The following ADGRB1 variants were observed in gnomAD, a reference collection of about 807,000 sequenced individuals.
The protein encoded by ADGRB1 is brain-specific angiogenesis inhibitor 1.
Under a neutral mutation model 175.7 loss-of-function variants are expected in ADGRB1, and 36 were observed. The ratio of observed to expected loss-of-function variants is 0.20; its 90% CI spans 0.16 to 0.27. ADGRB1 has a LOEUF of 0.27. Among genes scored for constraint, ADGRB1 ranks in the 10% least tolerant of loss-of-function variants. The pLI is 1.00. For missense variants in ADGRB1, 1,731 were observed against 2,255.3 expected, an observed-to-expected ratio of 0.77 and a Z score of 4.71; for synonymous variants, 1,054 against 979.4, an observed-to-expected ratio of 1.08 and a Z score of -1.42.
intron 18 of ADGRB1, among the ~76,000 whole-genome samples, chr8:142,515,688 C>T (rs192015324): frequency 1.5e-4 from 22 of 151,370 alleles, no homozygotes; most frequent in Middle Eastern, 3.5e-3. Context: ...CTCAGCTCTG[C>T]GCTGGTAAAG....
chr8:142,459,031 A>AGCAATGGGG (rs917816071), intron 1 of ADGRB1, among the ~76,000 whole-genome samples: 3 of 152,174 alleles, frequency 2.0e-5, no homozygotes, highest in African/African-American at 4.8e-5. Context: ...CTGGTCCCCC[A>AGCAATGGGG]GCAATGGGGG....
At chr8:142,467,123 C>T (rs1484355319) in intron 2 of ADGRB1, among the ~76,000 whole-genome samples, 6 of 152,204 alleles carry the variant, frequency 3.9e-5, no homozygotes, top group East Asian at 1.9e-4. Flanking sequence ...TCGGAGGGAG[C>T]GCTGAGCTTC....
At chr8:142,451,597 C>G (rs1020319380) in intron 1 of ADGRB1, among the ~76,000 whole-genome samples, 1 of 152,136 alleles carries the variant, frequency 6.6e-6, no homozygotes, top group Non-Finnish European at 1.5e-5. Context: ...GCTGGGAGGT[C>G]TGCTCTCCCG....
intron 18 of ADGRB1, among the ~76,000 whole-genome samples, chr8:142,513,819 G>A (rs1022969148): frequency 3.3e-5 from 5 of 152,106 alleles, no homozygotes; most frequent in African/African-American, 9.7e-5. Context: ...ATGAAGCTGC[G>A]GGGAAGTGGG....
intron 1 of ADGRB1, among the ~76,000 whole-genome samples, chr8:142,452,573 C>T (rs1005176225): frequency 6.6e-6 from 1 of 152,164 alleles, no homozygotes; most frequent in Non-Finnish European, 1.5e-5. Flanking sequence ...TCCCTTCCAG[C>T]CCCCGACCCT....
At chr8:142,460,565 G>A (rs1039856919) in intron 1 of ADGRB1, among the ~76,000 whole-genome samples, 1 of 152,152 alleles carries the variant, frequency 6.6e-6, no homozygotes, top group Non-Finnish European at 1.5e-5. Context: ...GGCCCCTGTG[G>A]TCCCTCCTGT....
In ADGRB1 at chr8:142,474,778, G is replaced by A. The variant is rs896872348; in HGVS notation, c.785-696G>A. Among the ~76,000 whole-genome samples, 14 of 152,146 alleles carry A rather than the reference G, an allele frequency of 9.2e-5. No homozygotes were observed. The highest frequency in any genetic ancestry group is 2.9e-4 in the African/African-American group (12 of 41,438). ...ACTAGAGAAGCTGAACAGAGCGGCC[G>A]GGGTCAGGGCAGGGGCGTGGCGGGG... is the stretch of plus-strand genomic sequence containing the variant. On this transcript the variant is annotated intron_variant, in intron 2 of 30. Coordinates refer to ENST00000517894, the MANE Select transcript of ADGRB1 (RefSeq NM_001702.3). The surrounding 1 kb of genome is among the most constrained non-coding windows in gnomAD (Gnocchi z 5.8).
chr8:142,479,872 G>A, intron 9 of ADGRB1, 78 bp downstream of exon 9: 1 of 1,430,400 alleles, frequency 7.0e-7, no homozygotes. Flanking sequence ...GGTGCTGTCA[G>A]CACTGGGAGG....
At chr8:142,540,062 C>T (rs1399122122) in intron 27 of ADGRB1, 2 of 152,812 alleles carry the variant, frequency 1.3e-5, no homozygotes, top group Non-Finnish European at 2.9e-5. Flanking sequence ...TCTGTCCCCA[C>T]CACTGTTCTG....
intron 17 of ADGRB1, among the ~76,000 whole-genome samples, chr8:142,494,776 C>T (rs902138622): frequency 6.6e-6 from 1 of 151,862 alleles, no homozygotes; most frequent in Admixed American, 6.6e-5. Flanking sequence ...GGCCTGGCAG[C>T]ATGGCTCAGG....
At chr8:142,527,555 C>T (rs934594956) in intron 24 of ADGRB1, among the ~76,000 whole-genome samples, 2 of 152,130 alleles carry the variant, frequency 1.3e-5, no homozygotes, top group Non-Finnish European at 1.5e-5. Flanking sequence ...GCCCTGGGGT[C>T]TGTCACTCTG....
At chr8:142,484,796 G>A (rs1841575949) in intron 13 of ADGRB1, 32 bp downstream of exon 13, 1 of 1,501,234 alleles carries the variant, frequency 6.7e-7, no homozygotes, top group Non-Finnish European at 9.1e-7. Context: ...CACCCCCCAT[G>A]CCTTGCTTTG....
In ADGRB1 at chr8:142,461,763, G is replaced by A. The variant is rs539853218; in HGVS notation, c.-219-2217G>A. On this transcript the variant is annotated intron_variant, in intron 1 of 30. Transcript: ENST00000517894. The stretch of plus-strand genomic sequence containing the variant: ...CATCTGGGGCTGACACCAACTCGGG[G>A]TCAGGGCTAACAGGATTGCCTGGGG... Among the ~76,000 whole-genome samples, 57 of 152,314 alleles carry A rather than the reference G, an allele frequency of 3.7e-4. No homozygotes were observed. In the South Asian group the frequency reaches 0.011, roughly 30 times the overall value.
At chr8:142,532,261 C>G (rs777555766) in intron 24 of ADGRB1, among the ~76,000 whole-genome samples, 1 of 152,196 alleles carries the variant, frequency 6.6e-6, no homozygotes, top group Non-Finnish European at 1.5e-5. Flanking sequence ...CTCACCGCAG[C>G]CGGGGTCCTG....
At chr8:142,496,904 C>A (rs1022572246) in intron 17 of ADGRB1, among the ~76,000 whole-genome samples, 1 of 152,198 alleles carries the variant, frequency 6.6e-6, no homozygotes, top group African/African-American at 2.4e-5. Context: ...GACTCCTGTC[C>A]AACTGGGCTG....
chr8:142,536,539 G>A (rs1364107450), intron 25 of ADGRB1, among the ~76,000 whole-genome samples: 1 of 152,112 alleles, frequency 6.6e-6, no homozygotes, highest in Non-Finnish European at 1.5e-5. Flanking sequence ...GAGGGGCCAG[G>A]CTCAGGGACC....
intron 19 of ADGRB1, among the ~76,000 whole-genome samples, chr8:142,519,465 C>CTGGTGATGG (rs1296175815): frequency 2.0e-5 from 3 of 152,168 alleles, no homozygotes; most frequent in Non-Finnish European, 2.9e-5. Flanking sequence ...TCAAGGGCTG[C>CTGGTGATGG]TGGTGATGGT....
Position 142,539,075 on chromosome 8 carries a change from C to G in ADGRB1, c.3667-299C>G, listed in dbSNP as rs7387316. Among the ~76,000 whole-genome samples the G allele has an allele frequency of 0.09, 13,636 of 152,266 alleles. 998 individuals carry two copies. The highest frequency in any genetic ancestry group is 0.3 in the East Asian group (1,543 of 5,162). ...ACTCAGATGCATTCTCTCACATTTA[C>G]AAACACCTGAATCCACACGCAAACA... On this transcript the variant is annotated intron_variant, in intron 26 of 30. Coordinates refer to ENST00000517894, the MANE Select transcript of ADGRB1 (RefSeq NM_001702.3).
In ADGRB1 at chr8:142,464,628, C is replaced by T; in HGVS notation, c.430C>T (p.Gln144Ter). ...AFLQASKQFLQMRRQQPPQHD... is the reference protein window; with the variant it reads ...AFLQASKQFL ...CCTGCAGGCCAGCAAGCAGTTCCTG[C>T]AGATGCGGCGCCAGCAGCCGCCCCA... The change falls in exon 2 of 31, where the codon CAG becomes TAG. Residue 144 changes from glutamine (Q) to a stop codon, truncating the protein, a stop_gained. Coordinates refer to ENST00000517894, the MANE Select transcript of ADGRB1 (RefSeq NM_001702.3). LOFTEE classifies it high-confidence loss of function. 1 of 1,522,342 alleles carries T rather than the reference C, an allele frequency of 6.6e-7. No homozygotes were observed. The highest frequency in any genetic ancestry group is 8.8e-7 in the Non-Finnish European group (1 of 1,139,646). The allele number at this position is 1,522,342 out of a possible 1,614,324, so 94.3% of individuals were successfully genotyped here. A position where few individuals can be genotyped will look rare whatever the true frequency, so the allele number is the denominator to read the frequency against.
Sources: gnomAD v4.1 joint callset for allele counts (sites outside exome capture counted in the v4.1 genomes callset) on GRCh38, gnomAD v4.1.1 for gene constraint, Gnocchi (gnomAD v3.1) non-coding constraint, MANE v1.5 for transcripts, NCBI Gene and HGNC (gene_info 2026-07-23, HGNC 2026-07-21) for gene names.